The following TAF4 variants were observed in gnomAD, a reference collection of about 807,000 sequenced individuals.
TAF4 encodes transcription initiation factor TFIID subunit 4.
TAF4 carries 9 observed loss-of-function variants against 90.3 expected under a neutral mutation model. That is an observed-to-expected ratio of 0.10 (90% CI 0.06 to 0.17). TAF4 has a LOEUF of 0.17. Among genes scored for constraint, TAF4 ranks in the 10% least tolerant of loss-of-function variants. TAF4 has a pLI of 1.00. For synonymous variants in TAF4, 818 were observed against 638.9 expected, an observed-to-expected ratio of 1.28 and a Z score of -4.23; for missense variants, 1,351 against 1,370.7, an observed-to-expected ratio of 0.99 and a Z score of 0.23.
At chr20:62,007,896 G>C (rs1295913980) in intron 5 of TAF4, 1 of 372,140 alleles carries the variant, frequency 2.7e-6, no homozygotes, top group Non-Finnish European at 4.9e-6. Flanking sequence ...CTTTTTCTAA[G>C]TCTCTTACTC....
At chr20:62,055,307 A>G (rs147972757) in intron 1 of TAF4, among the ~76,000 whole-genome samples, 2,943 of 150,668 alleles carry the variant, frequency 0.02, 49 homozygotes, top group Middle Eastern at 0.058. Flanking sequence ...GCGGTCCTGC[A>G]AGACGATCGA....
Position 61,996,275 on chromosome 20 carries a change from G to A in TAF4, c.3090+1275C>T, listed in dbSNP as rs539443402. ...CACGCACCTGTAGTCCCAGCTACTCGGGAAGCTGAGGCAGGAGGATCACCT... is the reference window on the plus strand; with the variant it reads ...CACGCACCTGTAGTCCCAGCTACTCAGGAAGCTGAGGCAGGAGGATCACCT... On this transcript the variant is annotated intron_variant, in intron 14 of 14. Transcript: ENST00000252996. Among the ~76,000 whole-genome samples the A allele has an allele frequency of 5.9e-5, 9 of 152,200 alleles. 1 individual carries two copies. The South Asian group carries it at 8.3e-4, about 14-fold the overall frequency.
intron 7 of TAF4, chr20:62,004,620 C>A (rs1600838888): frequency 6.6e-6 from 1 of 152,214 alleles, no homozygotes; most frequent in Non-Finnish European, 1.5e-5. Flanking sequence ...AGCTACCAAA[C>A]CCAGCTCCCT....
chr20:62,052,373 T>C (rs753934355), intron 1 of TAF4, among the ~76,000 whole-genome samples: 3 of 152,072 alleles, frequency 2.0e-5, no homozygotes, highest in Non-Finnish European at 4.4e-5. Flanking sequence ...AAACTGTCCT[T>C]TGACCCCCTC....
chr20:62,002,161 G>C (rs752963788), intron 9 of TAF4, among the ~76,000 whole-genome samples: 1 of 152,178 alleles, frequency 6.6e-6, no homozygotes, highest in Non-Finnish European at 1.5e-5. Context: ...TTTCACCCGT[G>C]TATGTCCCTA....
Position 61,976,123 on chromosome 20 carries a change from G to A in TAF4, c.*45C>T, listed in dbSNP as rs1485361395. On this transcript the variant is annotated 3_prime_UTR_variant, in exon 15 of 15. Transcript: ENST00000252996. ...TATCCCATTTGCTCGTTACAAAAAG[G>A]CGTAATCTGCAAATATATAAAAAGT... 2 of 1,600,256 alleles carry A rather than the reference G, an allele frequency of 1.2e-6. No homozygotes were observed. The highest frequency in any genetic ancestry group is 1.7e-6 in the Non-Finnish European group (2 of 1,168,460).
At chr20:62,043,848 A>G (rs1269353652) in intron 1 of TAF4, among the ~76,000 whole-genome samples, 2 of 152,202 alleles carry the variant, frequency 1.3e-5, no homozygotes, top group African/African-American at 4.8e-5. Flanking sequence ...ATGCGTTTCT[A>G]GAATGTATCC....
At chr20:62,022,861 G>GC (rs5842371) in intron 1 of TAF4, among the ~76,000 whole-genome samples, 5,202 of 148,148 alleles carry the variant, frequency 0.035, 138 homozygotes, top group Middle Eastern at 0.072. Flanking sequence ...AGCACTTGCA[G>GC]CCCCCCCCCC....
intron 1 of TAF4, among the ~76,000 whole-genome samples, chr20:62,030,714 C>G (rs1461737055): frequency 2.0e-5 from 3 of 152,214 alleles, no homozygotes; most frequent in Admixed American, 6.5e-5. Flanking sequence ...CGTCCAAAAA[C>G]TTTACTAAGT....
chr20:62,017,117 G>A (rs899580435), intron 1 of TAF4, among the ~76,000 whole-genome samples: 1 of 151,524 alleles, frequency 6.6e-6, no homozygotes, highest in Middle Eastern at 3.4e-3. Context: ...CTCCAGCCTG[G>A]ACCACAGAGT....
chr20:62,029,239 G>T (rs2055890560), intron 1 of TAF4, among the ~76,000 whole-genome samples: 1 of 151,970 alleles, frequency 6.6e-6, no homozygotes, highest in African/African-American at 2.4e-5. Context: ...TCTAGGGAAG[G>T]TGTACATAGC....
chr20:62,021,220 G>A (rs2055840981), intron 1 of TAF4, among the ~76,000 whole-genome samples: 1 of 152,148 alleles, frequency 6.6e-6, no homozygotes, highest in Non-Finnish European at 1.5e-5. Context: ...TCTCAAAAAA[G>A]GTATATTCTG....
intron 12 of TAF4, 43 bp from the exon 13 acceptor site, chr20:61,998,235 A>ACTTTT: frequency 6.3e-7 from 1 of 1,582,106 alleles, no homozygotes; most frequent in Non-Finnish European, 8.6e-7. Flanking sequence ...GTTATGAACT[A>ACTTTT]AATGTTTATC....
chr20:62,007,511 C>T (rs2055754001), intron 6 of TAF4, 36 bp downstream of exon 6: 2 of 1,601,432 alleles, frequency 1.2e-6, no homozygotes, highest in African/African-American at 1.3e-5. Flanking sequence ...CCTCCCTGGC[C>T]CTACTGCTCG....
At chr20:62,037,549 G>C (rs972827883) in intron 1 of TAF4, 1 of 152,364 alleles carries the variant, frequency 6.6e-6, no homozygotes, top group Non-Finnish European at 1.5e-5. Flanking sequence ...TCAATGTGAC[G>C]GGGCGCCCTG....
At chr20:62,040,337 G>A (rs536662211) in intron 1 of TAF4, among the ~76,000 whole-genome samples, 11 of 152,212 alleles carry the variant, frequency 7.2e-5, no homozygotes, top group African/African-American at 2.4e-4. Flanking sequence ...TGGGCACCAC[G>A]CAGAAGTATC....
chr20:62,014,011 GGGGTGT>G (rs1254245504), intron 2 of TAF4, among the ~76,000 whole-genome samples: 2 of 127,312 alleles, frequency 1.6e-5, no homozygotes, highest in African/African-American at 3.8e-5. Flanking sequence ...GGCTGACGCG[GGGGTGT>G]GGGTGTGTGT....
Position 62,010,626 on chromosome 20 carries a change from TCCCATAG to T in TAF4, c.1642-468_1642-462del, listed in dbSNP as rs902201577. Among the ~76,000 whole-genome samples the T allele has an allele frequency of 3.4e-4, 52 of 152,072 alleles. No homozygotes were observed. The highest frequency in any genetic ancestry group is 1.2e-3 in the African/African-American group (50 of 41,404). ...CGGTCAGGGCTCCACAGCCGCAGCC[TCCCATAG>T]GGGAGGGTCCCCAGCTCCCTGCAAT... On this transcript the variant is annotated intron_variant, in intron 3 of 14. Coordinates refer to ENST00000252996, the MANE Select transcript of TAF4 (RefSeq NM_003185.4). The surrounding 1 kb of genome is among the most constrained non-coding windows in gnomAD (Gnocchi z 4.5).
chr20:62,032,882 G>T (rs574235587), intron 1 of TAF4, among the ~76,000 whole-genome samples: 1 of 152,298 alleles, frequency 6.6e-6, no homozygotes, highest in African/African-American at 2.4e-5. Flanking sequence ...CGATCAATCC[G>T]ATTCATCAGT....
Sources: gnomAD v4.1 joint callset for allele counts (sites outside exome capture counted in the v4.1 genomes callset) on GRCh38, gnomAD v4.1.1 for gene constraint, Gnocchi (gnomAD v3.1) non-coding constraint, MANE v1.5 for transcripts, NCBI Gene and HGNC (gene_info 2026-07-23, HGNC 2026-07-21) for gene names.